Variants in SPRED2 observed in about 807,000 individuals in gnomAD.
SPRED2 encodes sprouty-related, EVH1 domain-containing protein 2.
Under a neutral mutation model 43.0 loss-of-function variants are expected in SPRED2, and 47 were observed. The observed-to-expected ratio is 1.09, with a 90% CI of 0.87 to 1.40. The LOEUF (loss-of-function observed/expected upper bound fraction) is 1.40, where lower values mean the gene tolerates loss of function less well. SPRED2 is among the 40% of genes most tolerant of loss of function. The probability of loss-of-function intolerance (pLI) is 0.00; values close to 1 mark genes in which losing one functional copy is unlikely to be tolerated. For synonymous variants in SPRED2, 225 were observed against 225.7 expected, an observed-to-expected ratio of 1.00 and a Z score of 0.03; for missense variants, 561 against 586.4, an observed-to-expected ratio of 0.96 and a Z score of 0.45.
chr2:65,307,298 C>T (rs1204444065), downstream of SPRED2, among the ~76,000 whole-genome samples: 1 of 152,158 alleles, frequency 6.6e-6, no homozygotes, highest in African/African-American at 2.4e-5. Flanking sequence ...CAAGTTCAAG[C>T]ATTTCTTGTG....
At chr2:65,406,784 G>T (rs1294046000) in intron 1 of SPRED2, among the ~76,000 whole-genome samples, 2 of 152,172 alleles carry the variant, frequency 1.3e-5, no homozygotes, top group Non-Finnish European at 2.9e-5. Context: ...GCCTGATAAA[G>T]GCAGCCGCAC....
At chr2:65,405,520 T>TA (rs1676001809) in intron 1 of SPRED2, among the ~76,000 whole-genome samples, 1 of 152,006 alleles carries the variant, frequency 6.6e-6, no homozygotes, top group Non-Finnish European at 1.5e-5. Context: ...CAAATGCAAA[T>TA]AACTGTGAAT....
At chr2:65,339,391 T>C (rs966342366) in intron 2 of SPRED2, among the ~76,000 whole-genome samples, 2 of 151,820 alleles carry the variant, frequency 1.3e-5, no homozygotes, top group African/African-American at 4.8e-5. Flanking sequence ...AGAAAAATTC[T>C]TCTGCCTTGG....
intron 1 of SPRED2, among the ~76,000 whole-genome samples, chr2:65,393,202 C>A (rs891439276): frequency 2.6e-5 from 4 of 152,098 alleles, no homozygotes; most frequent in African/African-American, 9.7e-5. Context: ...CCCAATGTTG[C>A]GAATGTGGCA....
intron 1 of SPRED2, among the ~76,000 whole-genome samples, chr2:65,400,929 T>C (rs1439567487): frequency 6.6e-6 from 1 of 152,158 alleles, no homozygotes; most frequent in African/African-American, 2.4e-5. Flanking sequence ...GGGAAGTTTC[T>C]GGGCTTATAC....
rs576615045 is a variant in SPRED2 at position 65,390,490 on chromosome 2, G to A, written c.26+41472C>T. Among the ~76,000 whole-genome samples, 20 of 152,218 alleles carry A rather than the reference G, an allele frequency of 1.3e-4. No individual in the cohort carries two copies. The South Asian group carries it at 3.9e-3, about 30-fold the overall frequency. ...GGCAGCAAGAGGAGAGGCTGGAGTCGGGGATCTACAGAGATGCAGGAGGTG... is the reference window on the plus strand; with the variant it reads ...GGCAGCAAGAGGAGAGGCTGGAGTCAGGGATCTACAGAGATGCAGGAGGTG... On this transcript the variant is annotated intron_variant, in intron 1 of 5. Coordinates refer to ENST00000356388, the MANE Select transcript of SPRED2 (RefSeq NM_181784.3).
intron 1 of SPRED2, among the ~76,000 whole-genome samples, chr2:65,411,860 G>A (rs943054022): frequency 1.3e-5 from 2 of 152,098 alleles, no homozygotes; most frequent in African/African-American, 4.8e-5. Flanking sequence ...CAGGCGCGGT[G>A]GCTCACGCCT....
intron 1 of SPRED2, among the ~76,000 whole-genome samples, chr2:65,397,309 C>T (rs1202575764): frequency 6.6e-6 from 1 of 152,198 alleles, no homozygotes; most frequent in Non-Finnish European, 1.5e-5. Flanking sequence ...TAGCCACAGA[C>T]AGCGCCAAGT....
chr2:65,343,430 A>C (rs1674247417), intron 2 of SPRED2, among the ~76,000 whole-genome samples: 1 of 152,206 alleles, frequency 6.6e-6, no homozygotes, highest in East Asian at 1.9e-4. Flanking sequence ...CTATTTTCTA[A>C]ATTTTTTTAA....
chr2:65,363,050 G>T (rs1428000733), intron 1 of SPRED2, among the ~76,000 whole-genome samples: 2 of 127,044 alleles, frequency 1.6e-5, no homozygotes, highest in Non-Finnish European at 1.6e-5. Context: ...AGACCAGTCT[G>T]ACCAAAGTGG....
chr2:65,421,120 C>T (rs527417064), intron 1 of SPRED2, among the ~76,000 whole-genome samples: 1 of 152,076 alleles, frequency 6.6e-6, no homozygotes, highest in East Asian at 1.9e-4. Context: ...ATCTCATGGG[C>T]CTCCTAGCAT....
chr2:65,409,994 T>C (rs1287471814), intron 1 of SPRED2, among the ~76,000 whole-genome samples: 2 of 148,052 alleles, frequency 1.4e-5, no homozygotes, highest in Admixed American at 6.8e-5. Context: ...TGCACCACTG[T>C]ACTCCAACTT....
At chr2:65,385,764 T>G (rs1675481399) in intron 1 of SPRED2, among the ~76,000 whole-genome samples, 1 of 152,182 alleles carries the variant, frequency 6.6e-6, no homozygotes, top group Non-Finnish European at 1.5e-5. Flanking sequence ...AAAATGCTTA[T>G]GGGCTCTTGA....
At chr2:65,412,409 C>A (rs2661794) in intron 1 of SPRED2, among the ~76,000 whole-genome samples, 67,429 of 151,994 alleles carry the variant, frequency 0.44, 15,738 homozygotes, top group African/African-American at 0.59. Context: ...AAGAATTGCA[C>A]GCCAGATTCT....
At chr2:65,334,820 A>G in intron 2 of SPRED2, 47 bp from the exon 3 acceptor site, 3 of 1,597,310 alleles carry the variant, frequency 1.9e-6, no homozygotes, top group Non-Finnish European at 1.7e-6. Context: ...AACAGCCATG[A>G]TGATGTCTGG....
At chr2:65,349,210 G>T (rs375613752) in intron 1 of SPRED2, among the ~76,000 whole-genome samples, 2 of 149,914 alleles carry the variant, frequency 1.3e-5, no homozygotes, top group Non-Finnish European at 2.9e-5. Context: ...TCAGGAGGCT[G>T]AGGCAGGAGA....
intron 1 of SPRED2, among the ~76,000 whole-genome samples, chr2:65,422,119 C>G (rs1676443332): frequency 6.9e-6 from 1 of 143,928 alleles, no homozygotes; most frequent in African/African-American, 2.5e-5. Flanking sequence ...CTCTCTCTCT[C>G]TCTCTCTCTC....
chr2:65,367,034 T>G (rs1674996797), intron 1 of SPRED2, among the ~76,000 whole-genome samples: 1 of 152,234 alleles, frequency 6.6e-6, no homozygotes, highest in South Asian at 2.1e-4. Flanking sequence ...ATTCTTCACC[T>G]GCCCCCAGCC....
At chr2:65,335,782 A>C (rs548506787) in intron 2 of SPRED2, among the ~76,000 whole-genome samples, 1 of 152,356 alleles carries the variant, frequency 6.6e-6, no homozygotes, top group Non-Finnish European at 1.5e-5. Flanking sequence ...ATTATAGAAA[A>C]GAAACATTGC....
Sources: gnomAD v4.1 joint callset for allele counts (sites outside exome capture counted in the v4.1 genomes callset) on GRCh38, gnomAD v4.1.1 for gene constraint, MANE v1.5 for transcripts, NCBI Gene and HGNC (gene_info 2026-07-23, HGNC 2026-07-21) for gene names.